TMED1: variants seen among roughly 807,000 people sequenced by gnomAD.
TMED1 encodes transmembrane p24 trafficking protein 1.
A neutral mutation model predicts 21.2 loss-of-function variants in TMED1; 20 were observed. That is an observed-to-expected ratio of 0.95 (90% CI 0.67 to 1.37). TMED1 has a LOEUF of 1.37. Ranked by LOEUF, TMED1 falls within the 40% of genes most tolerant of loss-of-function variation. The pLI is 0.00. For synonymous variants in TMED1, 149 were observed against 134.7 expected (o/e 1.11, Z -0.74); for missense variants, 316 against 309.8 (o/e 1.02, Z -0.15).
rs2073373640 is a variant in TMED1 at position 10,832,767 on chromosome 19, A to G, written c.*228T>C. ...ACGTTCCAACGCTGCAGTGCCCACC[A>G]TGTGAGATTTCCAGGACCGTCGGTG... On this transcript the variant is annotated 3_prime_UTR_variant, in exon 4 of 4. Coordinates refer to ENST00000214869, the MANE Select transcript of TMED1 (RefSeq NM_006858.4). 2 of 606,524 alleles carry G rather than the reference A, an allele frequency of 3.3e-6. No homozygotes were observed. Among genetic ancestry groups the G allele is most frequent in the Non-Finnish European group, 5.8e-6 (2 of 343,072 alleles). The allele number at this position is 606,524 out of a possible 1,614,324, so 37.6% of individuals were successfully genotyped here. A position where few individuals can be genotyped will look rare whatever the true frequency, so the allele number is the denominator to read the frequency against.
In TMED1 at chr19:10,835,640, G is replaced by C. The variant is rs1046391584; in HGVS notation, c.184-287C>G. The C allele has an allele frequency of 3.8e-5, 54 of 1,408,342 alleles. No homozygotes were observed. The Middle Eastern group carries it at 1.1e-3, about 28-fold the overall frequency. 87.2% of individuals were successfully genotyped at this position (1,408,342 alleles called of 1,614,324 possible). A position where few individuals can be genotyped will look rare whatever the true frequency, so the allele number is the denominator to read the frequency against. On this transcript the variant is annotated intron_variant, in intron 1 of 3. Transcript: ENST00000214869. ...CTGGTTGGCTCCGCCTCCGAAAGAGGATAGGCCCAGCCTTTTTCCTTAGTC... is the reference window on the plus strand; with the variant it reads ...CTGGTTGGCTCCGCCTCCGAAAGAGCATAGGCCCAGCCTTTTTCCTTAGTC...
rs965647864 is a variant in TMED1, at chr19:10,835,699, C to A, written c.183+310G>T. On this transcript the variant is annotated intron_variant, in intron 1 of 3. Coordinates refer to ENST00000214869, the MANE Select transcript of TMED1 (RefSeq NM_006858.4). ...GAGAAAGGCCTGTGTGGGCAACGCCCCCGCAGTTGACCTATCAGCACTATC... is the reference window on the plus strand; with the variant it reads ...GAGAAAGGCCTGTGTGGGCAACGCCACCGCAGTTGACCTATCAGCACTATC... 37 of 1,403,614 alleles carry A rather than the reference C, an allele frequency of 2.6e-5. No individual in the cohort carries two copies. In the African/African-American group the frequency reaches 4.5e-4, roughly 17 times the overall value. 86.9% of individuals were successfully genotyped at this position (1,403,614 alleles called of 1,614,324 possible).
chr19:10,833,864 C>A (rs527328470), intron 3 of TMED1, among the ~76,000 whole-genome samples: 100 of 152,302 alleles, frequency 6.6e-4, no homozygotes, highest in Non-Finnish European at 1.2e-3. Flanking sequence ...CCACTGCACT[C>A]CAGCCTGAGT....
chr19:10,833,263 G>A (rs751714881), intron 3 of TMED1, 50 bp from the exon 4 acceptor site: 2 of 1,525,086 alleles, frequency 1.3e-6, no homozygotes, highest in Non-Finnish European at 8.9e-7. Context: ...ACCCATCAGG[G>A]AGCAGAGACC....
At chr19:10,835,975 G>C (rs1347017772) in intron 1 of TMED1, 34 bp downstream of exon 1, 3 of 1,544,592 alleles carry the variant, frequency 1.9e-6, no homozygotes, top group African/African-American at 1.4e-5. Flanking sequence ...CCCTCTCCCT[G>C]ACTCTGCTGG....
At chr19:10,834,541 C>A (rs1261622288) in intron 3 of TMED1, among the ~76,000 whole-genome samples, 1 of 148,498 alleles carries the variant, frequency 6.7e-6, no homozygotes, top group East Asian at 2.0e-4. Context: ...CTCACTGCAA[C>A]CTCTGCCTCC....
At position 10,832,392 on chromosome 19, in the gene TMED1, G is replaced by T. The variant is rs193116212; in HGVS notation, c.*603C>A. 3 of 1,281,034 alleles carry T rather than the reference G, an allele frequency of 2.3e-6. No homozygotes were observed. The highest frequency in any genetic ancestry group is 3.1e-6 in the Non-Finnish European group (3 of 981,028). The allele number at this position is 1,281,034 out of a possible 1,614,324, so 79.4% of individuals were successfully genotyped here. The stretch of plus-strand genomic sequence containing the variant: ...CTGTCTGGCTGCCCCCTCGGGGGCC[G>T]GTCTGTCCTGGCTGGTGTCCCTGAG... On this transcript the variant is annotated 3_prime_UTR_variant, in exon 4 of 4. Coordinates refer to ENST00000214869, the MANE Select transcript of TMED1 (RefSeq NM_006858.4).
Position 10,836,192 on chromosome 19 carries a change from C to T in TMED1, c.-1G>A, listed in dbSNP as rs1459116568. On this transcript the variant is annotated 5_prime_UTR_variant, in exon 1 of 4. Transcript: ENST00000214869. ...CTAGGGCCGCGCCGGCCGCCATCATCCGGGTCACCCTCTGGTCTGCAAAGG... is the reference window on the plus strand; with the variant it reads ...CTAGGGCCGCGCCGGCCGCCATCATTCGGGTCACCCTCTGGTCTGCAAAGG... 6.5e-6 allele frequency: 10 copies of T among 1,549,406 alleles called. No individual in the cohort carries two copies. The highest frequency in any genetic ancestry group is 7.8e-6 in the Non-Finnish European group (9 of 1,150,662).
At chr19:10,833,366 C>A in intron 3 of TMED1, 153 bp from the exon 4 acceptor site, 1 of 640,210 alleles carries the variant, frequency 1.6e-6, no homozygotes, top group Non-Finnish European at 2.7e-6. Flanking sequence ...AAATCCTCAC[C>A]CTGCCACTCA....
At chr19:10,835,626 C>A in intron 1 of TMED1, 1 of 1,411,646 alleles carries the variant, frequency 7.1e-7, no homozygotes, top group Non-Finnish European at 9.2e-7. Flanking sequence ...TGGTTGGCTC[C>A]GCCTCCGAAA....
intron 3 of TMED1, chr19:10,833,473 T>C: frequency 1.9e-6 from 1 of 537,002 alleles, no homozygotes; most frequent in East Asian, 3.2e-5. Context: ...CCTAAATAAA[T>C]GTACAAGGAT....
rs941691834 is a variant in TMED1 at position 10,832,380 on chromosome 19, C to T, written c.*615G>A. 6 of 1,289,224 alleles carry T rather than the reference C, an allele frequency of 4.7e-6. No homozygotes were observed. The highest frequency in any genetic ancestry group is 6.1e-6 in the Non-Finnish European group (6 of 988,444). The allele number at this position is 1,289,224 out of a possible 1,614,324, so 79.9% of individuals were successfully genotyped here. A position where few individuals can be genotyped will look rare whatever the true frequency, so the allele number is the denominator to read the frequency against. On this transcript the variant is annotated 3_prime_UTR_variant, in exon 4 of 4. Transcript: ENST00000214869. ...GGCCCCTCCCACCTGTCTGGCTGCC[C>T]CCTCGGGGGCCGGTCTGTCCTGGCT... is the stretch of plus-strand genomic sequence containing the variant.
rs927043299 is a variant in TMED1, at chr19:10,835,761, G to A, written c.183+248C>T. The A allele has an allele frequency of 3.5e-6, 5 of 1,415,446 alleles. No homozygotes were observed. The African/African-American group carries it at 7.2e-5, about 20-fold the overall frequency. 87.7% of individuals were successfully genotyped at this position (1,415,446 alleles called of 1,614,324 possible). A position where few individuals can be genotyped will look rare whatever the true frequency, so the allele number is the denominator to read the frequency against. ...CAGCCAGAGTCCTGTCCTCTCAGAGGCTCCCTATACTTATCGATGGCCCCG... is the reference window on the plus strand; with the variant it reads ...CAGCCAGAGTCCTGTCCTCTCAGAGACTCCCTATACTTATCGATGGCCCCG... On this transcript the variant is annotated intron_variant, in intron 1 of 3. Transcript: ENST00000214869.
chr19:10,832,896 G>A lies in TMED1; in HGVS notation c.*99C>T, dbSNP rs148174657. 2,450 of 1,409,868 alleles carry A rather than the reference G, an allele frequency of 1.7e-3. 11 individuals carry two copies. Among genetic ancestry groups the A allele is most frequent in the Middle Eastern group, 2.6e-3 (13 of 5,020 alleles). 87.3% of individuals were successfully genotyped at this position (1,409,868 alleles called of 1,614,324 possible). ...CCGCAGGCCCTGACTGCACACTCCCGTTTTGGCAGGAAACTAAAATTGGGG... is the reference window on the plus strand; with the variant it reads ...CCGCAGGCCCTGACTGCACACTCCCATTTTGGCAGGAAACTAAAATTGGGG... On this transcript the variant is annotated 3_prime_UTR_variant, in exon 4 of 4. Transcript: ENST00000214869.
rs534082703 is a variant in TMED1, at chr19:10,832,409, G to A, written c.*586C>T. The A allele has an allele frequency of 5.6e-4, 693 of 1,244,678 alleles. 3 individuals are homozygous for A. In the African/African-American group the frequency reaches 9.9e-3, roughly 18 times the overall value. 77.1% of individuals were successfully genotyped at this position (1,244,678 alleles called of 1,614,324 possible). A position where few individuals can be genotyped will look rare whatever the true frequency, so the allele number is the denominator to read the frequency against. On this transcript the variant is annotated 3_prime_UTR_variant, in exon 4 of 4. Transcript: ENST00000214869. ...CGGGGGCCGGTCTGTCCTGGCTGGT[G>A]TCCCTGAGCCCCAATCAGCAGGCTC... is the stretch of plus-strand genomic sequence containing the variant.
Position 10,832,752 on chromosome 19 carries a change from G to C in TMED1, c.*243C>G. On this transcript the variant is annotated 3_prime_UTR_variant, in exon 4 of 4. Transcript: ENST00000214869. ...GGAAATCCGAGGCTCACGTTCCAAC[G>C]CTGCAGTGCCCACCATGTGAGATTT... is the stretch of plus-strand genomic sequence containing the variant. 1 of 601,918 alleles carries C rather than the reference G, an allele frequency of 1.7e-6. No homozygotes were observed. The highest frequency in any genetic ancestry group is 2.9e-6 in the Non-Finnish European group (1 of 339,638). 37.3% of individuals were successfully genotyped at this position (601,918 alleles called of 1,614,324 possible). A position where few individuals can be genotyped will look rare whatever the true frequency, so the allele number is the denominator to read the frequency against.
Position 10,832,427 on chromosome 19 carries a change from G to C in TMED1, c.*568C>G, listed in dbSNP as rs1216129941. 8.7e-7 allele frequency: 1 copy of C among 1,143,626 alleles called. No individual in the cohort carries two copies. Among genetic ancestry groups the C allele is most frequent in the African/African-American group, 1.6e-5 (1 of 62,434 alleles). The allele number at this position is 1,143,626 out of a possible 1,614,324, so 70.8% of individuals were successfully genotyped here. On this transcript the variant is annotated 3_prime_UTR_variant, in exon 4 of 4. Coordinates refer to ENST00000214869, the MANE Select transcript of TMED1 (RefSeq NM_006858.4). ...GGCTGGTGTCCCTGAGCCCCAATCAGCAGGCTCTTGTGATTTTCTGACCAT... is the reference window on the plus strand; with the variant it reads ...GGCTGGTGTCCCTGAGCCCCAATCACCAGGCTCTTGTGATTTTCTGACCAT...
In TMED1 at chr19:10,832,418, C is replaced by A; in HGVS notation, c.*577G>T. ...GTCTGTCCTGGCTGGTGTCCCTGAG[C>A]CCCAATCAGCAGGCTCTTGTGATTT... is the stretch of plus-strand genomic sequence containing the variant. On this transcript the variant is annotated 3_prime_UTR_variant, in exon 4 of 4. Transcript: ENST00000214869. 1 of 1,184,512 alleles carries A rather than the reference C, an allele frequency of 8.4e-7. No homozygotes were observed. The highest frequency in any genetic ancestry group is 2.4e-5 in the Admixed American group (1 of 42,044). 73.4% of individuals were successfully genotyped at this position (1,184,512 alleles called of 1,614,324 possible).
At position 10,833,179 on chromosome 19, in the gene TMED1, C is replaced by G; in HGVS notation, c.500G>C (p.Arg167Pro). The G allele has an allele frequency of 6.2e-7, 1 of 1,613,628 alleles. No homozygotes were observed. Among genetic ancestry groups the G allele is most frequent in the Non-Finnish European group, 8.5e-7 (1 of 1,179,972 alleles). ...SIETMRTRLERSIQMLTLLRA... is the reference protein window; with the variant it reads ...SIETMRTRLEPSIQMLTLLRA... ...CAGTAGCGTGAGCATCTGGATGCTG[C>G]GCTCCAGCCGGGTCCGCATGGTCTC... The change falls in exon 4 of 4, where the codon CGC becomes CCC. Residue 167 changes from arginine (R) to proline (P), a missense_variant. Physicochemically the swap from Arg to Pro is moderately radical, Grantham distance 103. Coordinates refer to ENST00000214869, the MANE Select transcript of TMED1 (RefSeq NM_006858.4).
Sources: gnomAD v4.1 joint callset for allele counts (sites outside exome capture counted in the v4.1 genomes callset) on GRCh38, gnomAD v4.1.1 for gene constraint, MANE v1.5 for transcripts, NCBI Gene and HGNC (gene_info 2026-07-23, HGNC 2026-07-21) for gene names.